Variants in PRSS23 observed in about 807,000 individuals in gnomAD.
PRSS23 encodes protease, serine 23.
PRSS23 carries 25 observed loss-of-function variants against 34.7 expected under a neutral mutation model. The ratio of observed to expected loss-of-function variants is 0.72; its 90% CI spans 0.53 to 1.01. The LOEUF (loss-of-function observed/expected upper bound fraction) is 1.01. PRSS23 is among the 50% of genes least tolerant of loss of function. The pLI is 0.00. For synonymous variants in PRSS23, 176 were observed against 186.6 expected (o/e 0.94, Z 0.46); for missense variants, 445 against 475.6 (o/e 0.94, Z 0.60).
chr11:86,942,390 A>G (rs190474543), intron 2 of PRSS23, among the ~76,000 whole-genome samples: 1 of 152,356 alleles, frequency 6.6e-6, no homozygotes, highest in African/African-American at 2.4e-5. Flanking sequence ...ATTCCATCTC[A>G]TTGCTTTATA....
At chr11:86,853,558 G>A (rs1279067082) in intron 2 of PRSS23, among the ~76,000 whole-genome samples, 1 of 152,086 alleles carries the variant, frequency 6.6e-6, no homozygotes, top group African/African-American at 2.4e-5. Flanking sequence ...CTGGCCAGAA[G>A]TGCCTGCATT....
At chr11:86,946,858 C>G (rs1949247314) in intron 2 of PRSS23, 1 of 152,228 alleles carries the variant, frequency 6.6e-6, no homozygotes. Flanking sequence ...AATAGCAACT[C>G]TCTCCAGTGT....
At chr11:86,879,827 G>A (rs1485525379) in intron 2 of PRSS23, among the ~76,000 whole-genome samples, 1 of 131,406 alleles carries the variant, frequency 7.6e-6, no homozygotes, top group Non-Finnish European at 1.7e-5. Flanking sequence ...AGGTGGGGGG[G>A]GTCAGCCCCC....
chr11:86,877,616 A>G (rs1161751676), intron 2 of PRSS23, among the ~76,000 whole-genome samples: 4 of 152,026 alleles, frequency 2.6e-5, no homozygotes, highest in African/African-American at 7.3e-5. Context: ...CCACCACTGA[A>G]TTGTCTTGGC....
intron 2 of PRSS23, among the ~76,000 whole-genome samples, chr11:86,855,311 T>A (rs1948561582): frequency 6.6e-6 from 1 of 152,180 alleles, no homozygotes; most frequent in Non-Finnish European, 1.5e-5. Flanking sequence ...TTCCAAGCCA[T>A]CTGGAAATAT....
intron 2 of PRSS23, chr11:86,933,458 G>A (rs1949139775): frequency 6.6e-6 from 1 of 152,226 alleles, no homozygotes; most frequent in Non-Finnish European, 1.5e-5. Context: ...ACCTGAATGG[G>A]TGGGCGTGGG....
At chr11:86,893,109 A>G (rs1948852351) in intron 2 of PRSS23, among the ~76,000 whole-genome samples, 1 of 152,206 alleles carries the variant, frequency 6.6e-6, no homozygotes, top group Admixed American at 6.5e-5. Flanking sequence ...GAAAACAGAG[A>G]TTGCAGTTAT....
chr11:86,865,460 A>C (rs533397778), intron 2 of PRSS23, among the ~76,000 whole-genome samples: 6 of 152,200 alleles, frequency 3.9e-5, no homozygotes, highest in Non-Finnish European at 7.3e-5. Context: ...GAGTGTGGTG[A>C]TGGAAATGCT....
intron 2 of PRSS23, among the ~76,000 whole-genome samples, chr11:86,828,361 A>G (rs1256512038): frequency 1.3e-5 from 2 of 151,948 alleles, no homozygotes. Context: ...ATCTTCCTCC[A>G]TCCTTTTATT....
chr11:86,936,244 T>C (rs748427908), intron 2 of PRSS23: 2 of 152,138 alleles, frequency 1.3e-5, no homozygotes, highest in Admixed American at 6.5e-5. Flanking sequence ...CTAAAGAATA[T>C]TAATATCATT....
At chr11:86,905,191 C>T (rs1948934458) in intron 2 of PRSS23, among the ~76,000 whole-genome samples, 2 of 152,206 alleles carry the variant, frequency 1.3e-5, no homozygotes, top group African/African-American at 4.8e-5. Context: ...AGACTGTGCG[C>T]TAAAGGCAGA....
intron 2 of PRSS23, chr11:86,947,288 T>A (rs2135033796): frequency 6.3e-6 from 1 of 159,548 alleles, no homozygotes; most frequent in African/African-American, 2.4e-5. Context: ...CTTCCCTAAC[T>A]GCAGCTGTGG....
chr11:86,925,813 G>C (rs1020359253), intron 2 of PRSS23, among the ~76,000 whole-genome samples: 1 of 152,132 alleles, frequency 6.6e-6, no homozygotes, highest in Non-Finnish European at 1.5e-5. Context: ...AACCAACACT[G>C]TCTTTCCAGC....
Position 86,952,206 on chromosome 11 carries a change from C to G in PRSS23, c.*921C>G, listed in dbSNP as rs138794842. On this transcript the variant is annotated 3_prime_UTR_variant, in exon 3 of 3. Transcript: ENST00000533902. ...ATGTACTGATCAGAATTGGTTCCCA[C>G]AGAGTGACACTCTTCCCCAGGCTGG... The G allele has an allele frequency of 9.9e-6, 16 of 1,613,648 alleles. No homozygotes were observed. The Admixed American group carries it at 2.3e-4, about 24-fold the overall frequency.
chr11:86,940,090 T>C (rs1375654425), intron 2 of PRSS23, among the ~76,000 whole-genome samples: 1 of 152,170 alleles, frequency 6.6e-6, no homozygotes, highest in Non-Finnish European at 1.5e-5. Flanking sequence ...CCCGAAGAGC[T>C]GGTGGGGCCC....
intron 2 of PRSS23, among the ~76,000 whole-genome samples, chr11:86,848,606 C>T (rs1024321245): frequency 7.2e-5 from 11 of 152,138 alleles, no homozygotes; most frequent in South Asian, 4.1e-4. Flanking sequence ...CCCGTAACTC[C>T]GGATTCCCTG....
chr11:86,794,592 T>G (rs1947969590), intron 1 of PRSS23, among the ~76,000 whole-genome samples: 1 of 152,188 alleles, frequency 6.6e-6, no homozygotes, highest in Non-Finnish European at 1.5e-5. Context: ...TTTTATATAT[T>G]ACACCTTCAC....
chr11:86,847,687 G>A lies in PRSS23; in HGVS notation c.206+24094G>A, dbSNP rs1024955453. ...AATTCGACCCTGAAACCTTAAAAAA[G>A]AAGCAGCTAATTTTCTTCTGTACCA... On this transcript the variant is annotated intron_variant, in intron 2 of 2. Transcript: ENST00000533902. Among the ~76,000 whole-genome samples, 25 of 152,254 alleles carry A rather than the reference G, an allele frequency of 1.6e-4. 1 individual carries two copies. The highest frequency in any genetic ancestry group is 2.1e-4 in the South Asian group (1 of 4,820).
At chr11:86,930,121 A>G (rs529502148) in intron 2 of PRSS23, among the ~76,000 whole-genome samples, 1 of 152,210 alleles carries the variant, frequency 6.6e-6, no homozygotes, top group East Asian at 1.9e-4. Flanking sequence ...ATGTGTATGT[A>G]TACAAAATCT....
Sources: gnomAD v4.1 joint callset for allele counts (sites outside exome capture counted in the v4.1 genomes callset) on GRCh38, gnomAD v4.1.1 for gene constraint, MANE v1.5 for transcripts, NCBI Gene and HGNC (gene_info 2026-07-23, HGNC 2026-07-21) for gene names.